NWD1: variants seen among roughly 807,000 people sequenced by gnomAD.
NWD1 encodes NACHT domain- and WD repeat-containing protein 1.
In NWD1, 129 loss-of-function variants were observed where a neutral mutation model predicts 135.1. The observed-to-expected ratio is 0.96, with a 90% CI of 0.83 to 1.11. The LOEUF is 1.11. NWD1 is among the 50% of genes least tolerant of loss of function. The pLI is 0.00. For synonymous variants in NWD1, 773 were observed against 786.0 expected, an observed-to-expected ratio of 0.98 and a Z score of 0.28; for missense variants, 1,740 against 1,851.3, an observed-to-expected ratio of 0.94 and a Z score of 1.10.
Position 16,750,382 on chromosome 19 carries a change from C to A in NWD1, c.1740C>A (p.Ala580=). The A allele has an allele frequency of 1.3e-6, 2 of 1,598,244 alleles. No homozygotes were observed. The highest frequency in any genetic ancestry group is 1.8e-5 in the Admixed American group (1 of 56,396). ...AGACACACGGGCAGCTCCTCGTGGC[C>A]CACGTGCTGGGCTACATTGTGTCTT... is the stretch of plus-strand genomic sequence containing the variant. ...LEQTHGQLLV[A]HVLGYIVSSR... Residue 580 remains alanine, a synonymous_variant, in exon 6 of 19, where the codon GCC becomes GCA. Coordinates refer to ENST00000524140, the MANE Select transcript of NWD1 (RefSeq NM_001007525.5).
rs376756589 is a variant in NWD1, at chr19:16,736,255, A to C, written c.82-379A>C. ...TTCCTCTCTCTCTTTCTTTTGACAG[A>C]GCCTGGCTCTGCTGTCCAGGCTGGC... On this transcript the variant is annotated intron_variant, in intron 3 of 18. Coordinates refer to ENST00000524140, the MANE Select transcript of NWD1 (RefSeq NM_001007525.5). 2.5e-4 allele frequency among the ~76,000 whole-genome samples: 19 copies of C among 75,712 alleles called. No individual in the cohort carries two copies. In the South Asian group the frequency reaches 6.6e-3, roughly 26 times the overall value. The allele number at this position is 75,712 out of a possible 152,430, so 49.7% of individuals were successfully genotyped here.
At chr19:16,783,671 TAAAA>T (rs1229394251) in intron 12 of NWD1, among the ~76,000 whole-genome samples, 1 of 148,058 alleles carries the variant, frequency 6.8e-6, no homozygotes, top group Non-Finnish European at 1.5e-5. Flanking sequence ...ATAAATAAAA[TAAAA>T]ATAAAATAAT....
Position 16,782,497 on chromosome 19 carries a change from G to A in NWD1, c.2731+3032G>A, listed in dbSNP as rs117111241. 7.1e-4 allele frequency among the ~76,000 whole-genome samples: 108 copies of A among 151,932 alleles called. No homozygotes were observed. The East Asian group carries it at 0.02, about 27-fold the overall frequency. ...ACCAAACAAACAGAAAAATGGGTGGGGGTGGAGAAGGTCTAAAGAGCTGAA... is the reference window on the plus strand; with the variant it reads ...ACCAAACAAACAGAAAAATGGGTGGAGGTGGAGAAGGTCTAAAGAGCTGAA... On this transcript the variant is annotated intron_variant, in intron 12 of 18. Transcript: ENST00000524140.
chr19:16,744,694 C>T lies in NWD1; in HGVS notation c.472C>T (p.Gln158Ter). The T allele has an allele frequency of 6.5e-7, 1 of 1,535,994 alleles. No homozygotes were observed. Among genetic ancestry groups the T allele is most frequent in the South Asian group, 1.2e-5 (1 of 84,056 alleles). The stretch of plus-strand genomic sequence containing the variant: ...GAGGCTGGGGCTCATCACCCAGGAG[C>T]AGTGGCAGCACTACCACCGGTCAGG... ...ARRLGLITQE[Q>*]WQHYHRSVIE... is the part of the protein sequence containing the mutation. The change falls in exon 5 of 19, where the codon CAG (glutamine) becomes TAG (stop). Residue 158 changes from glutamine (Q) to a stop codon, truncating the protein, a stop_gained. Coordinates refer to ENST00000524140, the MANE Select transcript of NWD1 (RefSeq NM_001007525.5). LOFTEE classifies it high-confidence loss of function.
At chr19:16,734,559 C>T (rs1599431249) in intron 3 of NWD1, among the ~76,000 whole-genome samples, 1 of 137,014 alleles carries the variant, frequency 7.3e-6, no homozygotes, top group African/African-American at 2.7e-5. Context: ...GATTTTCTTT[C>T]TTTTTTTTTT....
intron 17 of NWD1, among the ~76,000 whole-genome samples, chr19:16,800,427 G>C (rs1175251177): frequency 1.3e-5 from 1 of 75,416 alleles, no homozygotes; most frequent in Non-Finnish European, 2.6e-5. Flanking sequence ...CCAGCTACTT[G>C]CGAGGCTGAG....
At chr19:16,803,183 G>C (rs901105080) in intron 17 of NWD1, among the ~76,000 whole-genome samples, 1 of 152,134 alleles carries the variant, frequency 6.6e-6, no homozygotes, top group African/African-American at 2.4e-5. Flanking sequence ...CAGTATGGGG[G>C]AGACTGCCTC....
At chr19:16,803,223 G>A (rs113268293) in intron 17 of NWD1, among the ~76,000 whole-genome samples, 45 of 152,238 alleles carry the variant, frequency 3.0e-4, no homozygotes, top group African/African-American at 1.1e-3. Context: ...GCTGGCCTCG[G>A]CCTTGACCTG....
chr19:16,781,528 A>T (rs1969851228), intron 12 of NWD1, among the ~76,000 whole-genome samples: 1 of 151,966 alleles, frequency 6.6e-6, no homozygotes, highest in African/African-American at 2.4e-5. Flanking sequence ...GGGCATGAGA[A>T]TCGCTTGAGC....
At chr19:16,780,215 G>A (rs113659526) in intron 12 of NWD1, among the ~76,000 whole-genome samples, 35 of 151,602 alleles carry the variant, frequency 2.3e-4, no homozygotes, top group African/African-American at 8.2e-4. Context: ...GAGTGCAGTG[G>A]TGCAATCTCG....
rs1001053642 is a variant in NWD1, at chr19:16,789,162, A to G, written c.2912A>G (p.Lys971Arg). The G allele has an allele frequency of 1.9e-6, 3 of 1,614,084 alleles. No homozygotes were observed. Among genetic ancestry groups the G allele is most frequent in the East Asian group, 2.2e-5 (1 of 44,888 alleles). The change falls in exon 13 of 19, where the codon AAA becomes AGA. Residue 971 changes from lysine (K) to arginine (R), a missense_variant. By Grantham distance (26) the Lys-to-Arg change is conservative. Transcript: ENST00000524140. Reference sequence around the variant, plus strand: ...AACCTTCATGTGGATGAGGCACACAAAGTTGTGTATTCAGCATCTGGCTCA... The same window carrying G: ...AACCTTCATGTGGATGAGGCACACAGAGTTGTGTATTCAGCATCTGGCTCA... ...IWNLHVDEAH[K>R]VVYSASGSKI... is the part of the protein sequence containing the mutation.
intron 5 of NWD1, 41 bp downstream of exon 5, chr19:16,744,759 C>T: frequency 6.7e-7 from 1 of 1,488,848 alleles, no homozygotes; most frequent in Non-Finnish European, 9.1e-7. Context: ...CCACAAGAAA[C>T]TGACCACGTG....
Position 16,773,410 on chromosome 19 carries a change from G to A in NWD1, c.2608+87G>A. On this transcript the variant is annotated intron_variant, in intron 11 of 18. Transcript: ENST00000524140. ...GCCAGGTGTTTGAGGTTGTCCTCTG[G>A]GACTCCCCTGTGCTAGTTGGGAGGC... is the stretch of plus-strand genomic sequence containing the variant. 6 of 1,160,614 alleles carry A rather than the reference G, an allele frequency of 5.2e-6. No individual in the cohort carries two copies. The Middle Eastern group carries it at 1.1e-3, about 220-fold the overall frequency. The allele number at this position is 1,160,614 out of a possible 1,614,324, so 71.9% of individuals were successfully genotyped here.
intron 14 of NWD1, among the ~76,000 whole-genome samples, chr19:16,792,844 T>G (rs1045113866): frequency 3.0e-5 from 4 of 132,186 alleles, no homozygotes; most frequent in African/African-American, 1.2e-4. Flanking sequence ...GCCATTGCAC[T>G]CCAGCCTGGG....
At chr19:16,790,253 T>A (rs754499195) in intron 13 of NWD1, among the ~76,000 whole-genome samples, 1 of 152,190 alleles carries the variant, frequency 6.6e-6, no homozygotes, top group Non-Finnish European at 1.5e-5. Context: ...TTCACCATTC[T>A]GAGTCTTATT....
At chr19:16,758,349 T>C (rs1266438371) in intron 6 of NWD1, among the ~76,000 whole-genome samples, 2 of 152,194 alleles carry the variant, frequency 1.3e-5, no homozygotes, top group Non-Finnish European at 2.9e-5. Context: ...TAATCACAGC[T>C]CACTGCAGCC....
intron 4 of NWD1, among the ~76,000 whole-genome samples, chr19:16,742,391 T>C (rs552304803): frequency 6.6e-6 from 1 of 151,766 alleles, no homozygotes; most frequent in Non-Finnish European, 1.5e-5. Context: ...ATAAAATAAA[T>C]AATAAATAAA....
chr19:16,760,268 T>TTATTTTATTTTATTTTATTG (rs1968960492), intron 7 of NWD1, among the ~76,000 whole-genome samples: 1 of 151,224 alleles, frequency 6.6e-6, no homozygotes, highest in East Asian at 1.9e-4. Flanking sequence ...TTATTTTATT[T>TTATTTTATTTTATTTTATTG]TATTTTATGT....
chr19:16,784,375 A>G (rs1599527114), intron 12 of NWD1, among the ~76,000 whole-genome samples: 1 of 152,046 alleles, frequency 6.6e-6, no homozygotes, highest in East Asian at 1.9e-4. Context: ...TCTAAAAATA[A>G]TAATAATGGT....
Sources: gnomAD v4.1 joint callset for allele counts (sites outside exome capture counted in the v4.1 genomes callset) on GRCh38, gnomAD v4.1.1 for gene constraint, MANE v1.5 for transcripts, NCBI Gene and HGNC (gene_info 2026-07-23, HGNC 2026-07-21) for gene names.